The following IL1RL2 variants were observed in gnomAD, a reference collection of about 807,000 sequenced individuals.
IL1RL2 encodes the protein interleukin 1 receptor like 2.
A neutral mutation model predicts 66.8 loss-of-function variants in IL1RL2; 68 were observed. That is an observed-to-expected ratio of 1.02 (90% confidence interval 0.84 to 1.25). The LOEUF (loss-of-function observed/expected upper bound fraction) is 1.25. Ranked by LOEUF, IL1RL2 falls within the 50% of genes most tolerant of loss-of-function variation. The pLI is 0.00. For synonymous variants in IL1RL2, 305 were observed against 264.6 expected (o/e 1.15, Z -1.48); for missense variants, 729 against 709.3 (o/e 1.03, Z -0.32).
At chr2:102,240,724 A>G (rs367619120), downstream of IL1RL2, among the ~76,000 whole-genome samples, 7 of 152,296 alleles carry the variant, frequency 4.6e-5, no homozygotes, top group African/African-American at 1.2e-4. Flanking sequence ...GCTTTCTTCA[A>G]TCAACAAGGC....
chr2:102,238,711 A>C (rs1049409544), intron 11 of IL1RL2, among the ~76,000 whole-genome samples: 28 of 152,180 alleles, frequency 1.8e-4, no homozygotes, highest in African/African-American at 6.5e-4. Flanking sequence ...TGAGCTACAG[A>C]GGGTGATGCT....
chr2:102,229,100 C>G (rs1690898035), intron 9 of IL1RL2, among the ~76,000 whole-genome samples: 1 of 152,186 alleles, frequency 6.6e-6, no homozygotes. Context: ...CTGGTTTCAT[C>G]AGGCCTAAAA....
intron 4 of IL1RL2, among the ~76,000 whole-genome samples, chr2:102,192,414 G>T (rs1387333367): frequency 6.6e-6 from 1 of 151,916 alleles, no homozygotes; most frequent in African/African-American, 2.4e-5. Flanking sequence ...TTGTTTAAAT[G>T]CATACTATGT....
chr2:102,209,929 G>A (rs1429398316), intron 5 of IL1RL2, among the ~76,000 whole-genome samples: 1 of 152,180 alleles, frequency 6.6e-6, no homozygotes, highest in East Asian at 1.9e-4. Context: ...AGAGAACATG[G>A]TGGTGAAGAA....
chr2:102,209,787 A>C (rs1005875845), intron 5 of IL1RL2, among the ~76,000 whole-genome samples: 1 of 152,146 alleles, frequency 6.6e-6, no homozygotes, highest in Admixed American at 6.5e-5. Flanking sequence ...ACCACTTAGG[A>C]GGCTGATAAA....
chr2:102,192,002 G>A lies in IL1RL2; in HGVS notation c.371G>A (p.Gly124Asp), dbSNP rs1249864199. The A allele has an allele frequency of 6.2e-7, 1 of 1,612,542 alleles. No homozygotes were observed. Among genetic ancestry groups the A allele is most frequent in the South Asian group, 1.1e-5 (1 of 90,772 alleles). ...EKHWCDTSIG[G>D]LPNLSDEYKQ... ...CATTGGTGTGACACTTCCATAGGTG[G>A]TTTACCAAATTTATCAGATGAGTAC... Residue 124 changes from glycine to aspartate, a missense_variant, in exon 4 of 12, where the codon GGT becomes GAT. Gly to Asp is a moderately conservative substitution (Grantham distance 94). Transcript: ENST00000264257.
chr2:102,206,721 C>T (rs1688735698), intron 5 of IL1RL2, among the ~76,000 whole-genome samples: 1 of 152,198 alleles, frequency 6.6e-6, no homozygotes, highest in South Asian at 2.1e-4. Context: ...GCCTGCTTTA[C>T]CCACTCCCTG....
chr2:102,187,796 G>A (rs925137796), intron 1 of IL1RL2, 60 bp from the exon 2 acceptor site: 43 of 1,441,228 alleles, frequency 3.0e-5, no homozygotes, highest in Admixed American at 2.3e-4. Context: ...CGCCCACGCC[G>A]GCGCCTCGGG....
intron 6 of IL1RL2, among the ~76,000 whole-genome samples, chr2:102,215,676 G>A (rs1689552430): frequency 6.6e-6 from 1 of 151,936 alleles, no homozygotes; most frequent in Non-Finnish European, 1.5e-5. Context: ...AACCAACATG[G>A]TAGCCCAGCA....
chr2:102,227,461 A>G (rs1315958029), intron 9 of IL1RL2, among the ~76,000 whole-genome samples: 1 of 152,204 alleles, frequency 6.6e-6, no homozygotes, highest in Non-Finnish European at 1.5e-5. Context: ...ACCCTGAGCA[A>G]TGTAGAAAGC....
At chr2:102,234,082 C>T (rs1380513444) in intron 10 of IL1RL2, among the ~76,000 whole-genome samples, 1 of 152,122 alleles carries the variant, frequency 6.6e-6, no homozygotes. Context: ...GAGAAACCTC[C>T]CTTTCCCAAG....
intron 11 of IL1RL2, 158 bp downstream of exon 11, chr2:102,235,435 T>C (rs1674797311): frequency 3.0e-6 from 3 of 985,454 alleles, no homozygotes; most frequent in Non-Finnish European, 3.6e-6. Context: ...TTTGTTGTCA[T>C]TTGTTTGCTT....
intron 6 of IL1RL2, among the ~76,000 whole-genome samples, chr2:102,218,508 C>T (rs4851002): frequency 0.28 from 42,663 of 152,036 alleles, 6,622 homozygotes; most frequent in East Asian, 0.38. Flanking sequence ...TCATTTCTTC[C>T]TCTAATTAAT....
At chr2:102,216,257 A>G (rs1689604174) in intron 6 of IL1RL2, among the ~76,000 whole-genome samples, 1 of 152,214 alleles carries the variant, frequency 6.6e-6, no homozygotes. Flanking sequence ...TGCAATTGAG[A>G]ATTCAACAAC....
At chr2:102,220,576 C>T (rs1690021749) in intron 8 of IL1RL2, among the ~76,000 whole-genome samples, 2 of 152,186 alleles carry the variant, frequency 1.3e-5, no homozygotes, top group Admixed American at 1.3e-4. Flanking sequence ...AGGAGAACAA[C>T]TTTAAATTCG....
At chr2:102,209,634 G>A (rs947410420) in intron 5 of IL1RL2, among the ~76,000 whole-genome samples, 10 of 152,212 alleles carry the variant, frequency 6.6e-5, no homozygotes, top group African/African-American at 2.4e-4. Context: ...CCAGGGGACT[G>A]TTTATGCATA....
At chr2:102,194,970 C>G (rs977954694) in intron 4 of IL1RL2, among the ~76,000 whole-genome samples, 3 of 152,064 alleles carry the variant, frequency 2.0e-5, no homozygotes, top group Non-Finnish European at 4.4e-5. Flanking sequence ...CGGATGGTCT[C>G]TGTTTCACCC....
In IL1RL2 at chr2:102,212,145, C is replaced by T; in HGVS notation, c.695C>T (p.Pro232Leu). Residue 232 changes from proline (P) to leucine (L), a missense_variant, in exon 6 of 12, where the codon CCA becomes CTA. By Grantham distance (98) the Pro-to-Leu change is moderately conservative. Transcript: ENST00000264257. Reference protein sequence around the residue: ...YGGSVPKIIYPKNHSIEVQLG... With the variant: ...YGGSVPKIIYLKNHSIEVQLG... Reference sequence around the variant, plus strand: ...GGAAGTGTCCCTAAAATCATTTATCCAAAAAATCATTCAATTGAAGTACAG... The same window carrying T: ...GGAAGTGTCCCTAAAATCATTTATCTAAAAAATCATTCAATTGAAGTACAG... 1 of 1,612,888 alleles carries T rather than the reference C, an allele frequency of 6.2e-7. No homozygotes were observed. The highest frequency in any genetic ancestry group is 1.7e-4 in the Middle Eastern group (1 of 6,056).
At chr2:102,207,040 A>G (rs1247767316) in intron 5 of IL1RL2, among the ~76,000 whole-genome samples, 1 of 152,178 alleles carries the variant, frequency 6.6e-6, no homozygotes, top group South Asian at 2.1e-4. Flanking sequence ...AGCCGGCCAC[A>G]AGGAGTACTG....
Sources: allele counts gnomAD v4.1 joint callset (sites outside exome capture counted in the v4.1 genomes callset), GRCh38; gene constraint gnomAD v4.1.1; transcripts MANE v1.5; gene names NCBI Gene and HGNC (gene_info 2026-07-23, HGNC 2026-07-21).